MCC: variants seen among roughly 807,000 people sequenced by gnomAD.
MCC encodes colorectal mutant cancer protein.
MCC carries 90 observed loss-of-function variants against 116.2 expected under a neutral mutation model. That is an observed-to-expected ratio of 0.77 (90% CI 0.65 to 0.92). The LOEUF is 0.92. Among genes scored for constraint, MCC ranks in the 40% least tolerant of loss-of-function variants. The pLI is 0.00. For synonymous variants in MCC, 578 were observed against 510.5 expected (o/e 1.13, Z -1.78); for missense variants, 1,516 against 1,312.2 (o/e 1.16, Z -2.40).
intron 2 of MCC, among the ~76,000 whole-genome samples, chr5:113,363,753 A>G (rs913623599): frequency 2.0e-5 from 3 of 152,182 alleles, no homozygotes; most frequent in Admixed American, 1.3e-4. Context: ...TGCCTTCCCA[A>G]TAGTCCCCGA....
intron 3 of MCC, among the ~76,000 whole-genome samples, chr5:113,188,570 G>T (rs1276722229): frequency 1.3e-5 from 2 of 152,208 alleles, no homozygotes; most frequent in African/African-American, 4.8e-5. Context: ...AGCAGAAAGG[G>T]GAAGGGAAAA....
At chr5:113,462,070 T>C (rs963699591) in intron 1 of MCC, among the ~76,000 whole-genome samples, 1 of 152,212 alleles carries the variant, frequency 6.6e-6, no homozygotes. Flanking sequence ...CAAAAAAAAT[T>C]AGAAACTGAG....
chr5:113,076,244 T>C (rs1036495103), intron 11 of MCC, among the ~76,000 whole-genome samples: 4 of 152,144 alleles, frequency 2.6e-5, no homozygotes, highest in African/African-American at 7.2e-5. Context: ...TGCAGGATAT[T>C]ATCCAGGAGA....
rs561287860 is a variant in MCC at position 113,448,529 on chromosome 5, C to A, written c.170+39716G>T. Among the ~76,000 whole-genome samples the A allele has an allele frequency of 5.4e-4, 82 of 152,286 alleles. 1 individual carries two copies. The South Asian group carries it at 0.014, about 26-fold the overall frequency. Reference sequence around the variant, plus strand: ...ATAAAAGATTCCCCAAGCTGACAAGCCTTTCTGGCACAGAATGACAGCTGC... The same window carrying A: ...ATAAAAGATTCCCCAAGCTGACAAGACTTTCTGGCACAGAATGACAGCTGC... On this transcript the variant is annotated intron_variant, in intron 1 of 18. Coordinates refer to ENST00000408903, the MANE Select transcript of MCC (RefSeq NM_001085377.2).
At chr5:113,159,483 A>G (rs1760363159) in intron 3 of MCC, among the ~76,000 whole-genome samples, 1 of 152,218 alleles carries the variant, frequency 6.6e-6, no homozygotes, top group South Asian at 2.1e-4. Context: ...ACTGAGACTC[A>G]GAGAGGTTCA....
intron 1 of MCC, among the ~76,000 whole-genome samples, chr5:113,406,843 C>T (rs1270073999): frequency 6.6e-6 from 1 of 152,108 alleles, no homozygotes; most frequent in Non-Finnish European, 1.5e-5. Context: ...GTGAGGTTTG[C>T]GTGGATCTCC....
At chr5:113,090,284 GCTT>G (rs1755512632) in intron 8 of MCC, among the ~76,000 whole-genome samples, 2 of 151,934 alleles carry the variant, frequency 1.3e-5, no homozygotes, top group Admixed American at 1.3e-4. Flanking sequence ...CCATCTGATG[GCTT>G]CTATTTTCTC....
At position 113,025,610 on chromosome 5, in the gene MCC, AT is replaced by A. The variant is rs1306274367; in HGVS notation, c.*1691del. 2.0e-4 allele frequency: 30 copies of A among 151,376 alleles called. No homozygotes were observed. Among genetic ancestry groups the A allele is most frequent in the African/African-American group, 7.3e-4 (30 of 40,992 alleles). 9.4% of individuals were successfully genotyped at this position (151,376 alleles called of 1,614,324 possible). A position where few individuals can be genotyped will look rare whatever the true frequency, so the allele number is the denominator to read the frequency against. The stretch of plus-strand genomic sequence containing the variant: ...TCCATCTCAAAAAAAAAAAAAAAAA[AT>A]CACAGGAACTAACTTTGACCAAATG... On this transcript the variant is annotated 3_prime_UTR_variant, in exon 19 of 19. Transcript: ENST00000408903.
At chr5:113,047,075 C>T (rs1429721864) in intron 16 of MCC, among the ~76,000 whole-genome samples, 3 of 152,208 alleles carry the variant, frequency 2.0e-5, no homozygotes, top group Admixed American at 2.0e-4. Context: ...CTACCTCCCA[C>T]TTTCCACTGG....
In MCC at chr5:113,216,024, G is replaced by T. The variant is rs933001716; in HGVS notation, c.628-64602C>A. On this transcript the variant is annotated intron_variant, in intron 3 of 18. Transcript: ENST00000408903. ...GCCCTTCTCCTTTCCCTGTTCCAGA[G>T]GTCAGGAAACTATGGCCCATGAGCA... Among the ~76,000 whole-genome samples, 12 of 152,308 alleles carry T rather than the reference G, an allele frequency of 7.9e-5. No individual in the cohort carries two copies. The East Asian group carries it at 2.3e-3, about 29-fold the overall frequency.
At chr5:113,138,020 T>C (rs967696670) in intron 5 of MCC, among the ~76,000 whole-genome samples, 4 of 127,030 alleles carry the variant, frequency 3.1e-5, no homozygotes, top group East Asian at 4.7e-4. Context: ...AGGCACTAAA[T>C]TGCGTCCCAA....
intron 3 of MCC, among the ~76,000 whole-genome samples, chr5:113,322,214 A>G (rs1314725270): frequency 6.6e-6 from 1 of 152,202 alleles, no homozygotes; most frequent in Non-Finnish European, 1.5e-5. Context: ...GGACATAGAG[A>G]ATACACACCT....
At chr5:113,365,713 AGCTGTAGAGGAAACATGAT>A (rs1438857799) in intron 2 of MCC, among the ~76,000 whole-genome samples, 2 of 152,242 alleles carry the variant, frequency 1.3e-5, no homozygotes, top group African/African-American at 2.4e-5. Flanking sequence ...TGGTTCCACA[AGCTGTAGAGGAAACATGAT>A]GCTGGCATCT....
At chr5:113,073,342 C>G (rs6882689) in intron 11 of MCC, among the ~76,000 whole-genome samples, 51,585 of 152,142 alleles carry the variant, frequency 0.34, 8,767 homozygotes, top group Middle Eastern at 0.39. Flanking sequence ...TGGCATACCA[C>G]AAAGATTGTG....
chr5:113,119,702 G>GAA (rs549603247), intron 6 of MCC, among the ~76,000 whole-genome samples: 17 of 143,974 alleles, frequency 1.2e-4, no homozygotes, highest in African/African-American at 4.3e-4. Context: ...CTGACTAAAT[G>GAA]AAAAAAAAAA....
Position 113,112,236 on chromosome 5 carries a change from G to A in MCC, c.1028-7881C>T, listed in dbSNP as rs138007422. Reference sequence around the variant, plus strand: ...CCATGCTGGGTCTTTATTAAGCTTTGCCTTTGATAGGGCTTGGGTTTGTGT... The same window carrying A: ...CCATGCTGGGTCTTTATTAAGCTTTACCTTTGATAGGGCTTGGGTTTGTGT... On this transcript the variant is annotated intron_variant, in intron 6 of 18. Coordinates refer to ENST00000408903, the MANE Select transcript of MCC (RefSeq NM_001085377.2). Among the ~76,000 whole-genome samples the A allele has an allele frequency of 1.1e-3, 175 of 152,272 alleles. 1 individual carries two copies. The highest frequency in any genetic ancestry group is 4.1e-3 in the African/African-American group (169 of 41,546).
At chr5:113,175,612 T>C (rs1202631984) in intron 3 of MCC, among the ~76,000 whole-genome samples, 1 of 152,146 alleles carries the variant, frequency 6.6e-6, no homozygotes, top group African/African-American at 2.4e-5. Flanking sequence ...ATTTCACTTT[T>C]GAAAGCCTTG....
intron 3 of MCC, among the ~76,000 whole-genome samples, chr5:113,198,667 C>T (rs1044987711): frequency 6.7e-6 from 1 of 148,550 alleles, no homozygotes; most frequent in Non-Finnish European, 1.5e-5. Flanking sequence ...TCATGGGCCA[C>T]TGCACTCCAG....
In MCC at chr5:113,129,535, C is replaced by T. The variant is rs187223051; in HGVS notation, c.885-6709G>A. Among the ~76,000 whole-genome samples the T allele has an allele frequency of 3.3e-5, 5 of 152,306 alleles. No homozygotes were observed. The East Asian group carries it at 9.6e-4, about 29-fold the overall frequency. On this transcript the variant is annotated intron_variant, in intron 5 of 18. Transcript: ENST00000408903. Reference sequence around the variant, plus strand: ...CAGCATGGCTGCTTTCTGGTGAGGGCTCTTCCTGGCTTCCAGATGGCTGAC... The same window carrying T: ...CAGCATGGCTGCTTTCTGGTGAGGGTTCTTCCTGGCTTCCAGATGGCTGAC...
Sources: allele counts gnomAD v4.1 joint callset (sites outside exome capture counted in the v4.1 genomes callset), GRCh38; gene constraint gnomAD v4.1.1; transcripts MANE v1.5; gene names NCBI Gene and HGNC (gene_info 2026-07-23, HGNC 2026-07-21).